The following ZNF730 variants were observed in gnomAD, a reference collection of about 807,000 sequenced individuals.
ZNF730 encodes the protein zinc finger protein 730, also known as putative zinc finger protein 730.
In ZNF730, 12 loss-of-function variants were observed where a neutral mutation model predicts 12.6. The ratio of observed to expected loss-of-function variants is 0.95; its 90% CI spans 0.61 to 1.54. The LOEUF (loss-of-function observed/expected upper bound fraction) is 1.54. ZNF730 is among the 40% of genes most tolerant of loss of function. The pLI, the probability that ZNF730 is intolerant of heterozygous loss-of-function variation, is 0.00. For synonymous variants in ZNF730, 194 were observed against 195.8 expected (o/e 0.99, Z 0.08); for missense variants, 643 against 583.5 (o/e 1.10, Z -1.05).
chr19:23,122,148 T>C (rs1320764996), intron 1 of ZNF730, among the ~76,000 whole-genome samples: 1 of 140,402 alleles, frequency 7.1e-6, no homozygotes, highest in African/African-American at 2.6e-5. Flanking sequence ...TTTTTTTTTT[T>C]TTTTTTTTTT....
intron 3 of ZNF730, among the ~76,000 whole-genome samples, chr19:23,137,037 G>A (rs1970843454): frequency 6.6e-6 from 1 of 152,130 alleles, no homozygotes; most frequent in African/African-American, 2.4e-5. Context: ...GGACGTGGTG[G>A]CAGGCACCTG....
rs1970989441 is a variant in ZNF730, at chr19:23,145,469, G to A, written c.425G>A (p.Ser142Asn). ...RHNQCLTTSH[S>N]KIFQCDKYVK... ...AACCAGTGTTTGACAACTTCCCATA[G>A]CAAAATATTTCAGTGTGACAAATAT... Residue 142 changes from serine (S) to asparagine (N), a missense_variant, in exon 4 of 4, where the codon AGC (serine) becomes AAC (asparagine). Physicochemically the swap from Ser to Asn is conservative, Grantham distance 46. Coordinates refer to ENST00000597761, the MANE Select transcript of ZNF730 (RefSeq NM_001277403.2). 6 of 1,570,018 alleles carry A rather than the reference G, an allele frequency of 3.8e-6. No individual in the cohort carries two copies. Among genetic ancestry groups the A allele is most frequent in the Non-Finnish European group, 4.3e-6 (5 of 1,158,788 alleles).
At position 23,145,738 on chromosome 19, in the gene ZNF730, G is replaced by T. The variant is rs748281983; in HGVS notation, c.694G>T (p.Glu232Ter). The T allele has an allele frequency of 3.8e-6, 6 of 1,561,462 alleles. No individual in the cohort carries two copies. Among genetic ancestry groups the T allele is most frequent in the South Asian group, 1.2e-5 (1 of 85,640 alleles). The change falls in exon 4 of 4, where the codon GAA becomes TAA. Residue 232 changes from glutamate (E) to a stop codon, truncating the protein, a stop_gained. Transcript: ENST00000597761. LOFTEE classifies it low-confidence loss of function (END_TRUNC). ...ITEKKPYKCK[E>*]CGKAFNWFSH... is the part of the protein sequence containing the mutation. ...TGAGAAAAAACCTTACAAATGTAAA[G>T]AATGTGGCAAAGCCTTTAACTGGTT...
intron 1 of ZNF730, among the ~76,000 whole-genome samples, chr19:23,081,476 C>T (rs576280795): frequency 4.6e-5 from 7 of 152,152 alleles, no homozygotes; most frequent in Non-Finnish European, 7.3e-5. Context: ...TGAGCCACCA[C>T]GCCCACCTGA....
intron 1 of ZNF730, among the ~76,000 whole-genome samples, 191 bp from the exon 2 acceptor site, chr19:23,133,889 A>C (rs1403350399): frequency 2.6e-5 from 4 of 152,244 alleles, no homozygotes; most frequent in Admixed American, 6.5e-5. Flanking sequence ...ATCTTATGCC[A>C]ATCTCTTTTC....
rs568057974 is a variant in ZNF730, at chr19:23,109,836, C to T, written c.-93-24244C>T. 5.4e-4 allele frequency among the ~76,000 whole-genome samples: 82 copies of T among 152,038 alleles called. 1 individual carries two copies. Among genetic ancestry groups the T allele is most frequent in the African/African-American group, 1.9e-3 (80 of 41,474 alleles). On this transcript the variant is annotated intron_variant, in intron 1 of 2. Coordinates refer to the ZNF730 transcript ENST00000593635. The stretch of plus-strand genomic sequence containing the variant: ...TGCTGAGATTACAGGCGTGAGCCAC[C>T]GTGCCCAGCCAATGTATGAAATTTC...
chr19:23,123,157 G>A (rs1402436253), intron 1 of ZNF730: 2 of 152,170 alleles, frequency 1.3e-5, no homozygotes, highest in Non-Finnish European at 2.9e-5. Flanking sequence ...ATATTCCACT[G>A]TATAACAAAG....
intron 1 of ZNF730, among the ~76,000 whole-genome samples, chr19:23,118,262 T>C (rs933420845): frequency 6.6e-6 from 1 of 152,152 alleles, no homozygotes; most frequent in Non-Finnish European, 1.5e-5. Flanking sequence ...CCAAAACTAA[T>C]TCCCTGACAC....
intron 1 of ZNF730, among the ~76,000 whole-genome samples, chr19:23,104,720 G>GGTAT (rs1970372316): frequency 1.3e-5 from 2 of 152,230 alleles, no homozygotes; most frequent in South Asian, 4.1e-4. Flanking sequence ...TGACTGAAAG[G>GGTAT]GTATGCTTCC....
In ZNF730 at chr19:23,095,232, G is replaced by T. The variant is rs1461033690; in HGVS notation, c.-94+19845G>T. The T allele has an allele frequency of 1.3e-5, 5 of 395,486 alleles. No homozygotes were observed. In the East Asian group the frequency reaches 1.8e-4, roughly 14 times the overall value. 24.5% of individuals were successfully genotyped at this position (395,486 alleles called of 1,614,324 possible). ...TATCACTGGGTCTTGTACCCAGGTG[G>T]TGTGAATCTTCTGCCTTGGTTCTTC... On this transcript the variant is annotated intron_variant, in intron 1 of 2. Transcript: ENST00000593635.
At chr19:23,091,129 G>A (rs866600213) in intron 1 of ZNF730, among the ~76,000 whole-genome samples, 26 of 152,222 alleles carry the variant, frequency 1.7e-4, no homozygotes, top group Middle Eastern at 3.2e-3. Context: ...AGGGGCCAAT[G>A]TACAGCTTTG....
At position 23,139,650 on chromosome 19, in the gene ZNF730, G is replaced by A. The variant is rs376816377; in HGVS notation, c.226+3607G>A. ...AGCAATTCTCCTGTCTCAGCCTCCC[G>A]AGTAACTGGGACTACAGGCACCTGC... On this transcript the variant is annotated intron_variant, in intron 3 of 3. Transcript: ENST00000597761. Among the ~76,000 whole-genome samples the A allele has an allele frequency of 7.2e-5, 11 of 151,998 alleles. No homozygotes were observed. The East Asian group carries it at 1.2e-3, about 16-fold the overall frequency.
At position 23,146,685 on chromosome 19, in the gene ZNF730, TAC is replaced by T; in HGVS notation, c.*130_*131del. On this transcript the variant is annotated 3_prime_UTR_variant, in exon 4 of 4. Transcript: ENST00000597761. ...AAGCTTTTAACCAGTCCTCAAATCT[TAC>T]TAAACATAAGGTAATTCATACTGGA... 1 of 1,482,318 alleles carries T rather than the reference TAC, an allele frequency of 6.7e-7. No individual in the cohort carries two copies. The highest frequency in any genetic ancestry group is 1.1e-5 in the South Asian group (1 of 88,190). 91.8% of individuals were successfully genotyped at this position (1,482,318 alleles called of 1,614,324 possible).
Position 23,141,765 on chromosome 19 carries a change from G to A in ZNF730, c.227-3506G>A, listed in dbSNP as rs566392086. On this transcript the variant is annotated intron_variant, in intron 3 of 3. Transcript: ENST00000597761. ...TAAGACTTTTTTTTTGGCCTAGGACGTTGTCTATGAAGGAAAATGTTCTAT... is the reference window on the plus strand; with the variant it reads ...TAAGACTTTTTTTTTGGCCTAGGACATTGTCTATGAAGGAAAATGTTCTAT... 5.3e-5 allele frequency among the ~76,000 whole-genome samples: 8 copies of A among 151,816 alleles called. No individual in the cohort carries two copies. In the South Asian group the frequency reaches 6.2e-4, roughly 12 times the overall value.
chr19:23,084,812 A>G (rs1473616621), intron 1 of ZNF730, among the ~76,000 whole-genome samples: 1 of 152,180 alleles, frequency 6.6e-6, no homozygotes, highest in Non-Finnish European at 1.5e-5. Flanking sequence ...TTATGGCTGC[A>G]TAGTATTTCA....
chr19:23,087,279 G>A (rs996711519), intron 1 of ZNF730, among the ~76,000 whole-genome samples: 11 of 152,056 alleles, frequency 7.2e-5, no homozygotes, highest in South Asian at 2.1e-4. Context: ...ATGGTGGCGG[G>A]TGCCTGTAAT....
intron 1 of ZNF730, chr19:23,100,423 G>T (rs944987676): frequency 1.3e-5 from 2 of 152,094 alleles, no homozygotes; most frequent in African/African-American, 4.8e-5. Flanking sequence ...CATATATAAA[G>T]CCCTAGTGTG....
At chr19:23,135,860 T>C (rs1417880729) in intron 2 of ZNF730, 88 bp from the exon 3 acceptor site, 5 of 1,261,904 alleles carry the variant, frequency 4.0e-6, no homozygotes, top group Non-Finnish European at 4.4e-6. Context: ...TTTACTAGAA[T>C]ATTCCATTAC....
chr19:23,085,836 CTTTTTTTT>C (rs556123915), intron 1 of ZNF730, among the ~76,000 whole-genome samples: 792 of 54,810 alleles, frequency 0.014, 4 homozygotes, highest in Non-Finnish European at 0.019. Context: ...ATTTTTTTTT[CTTTTTTTT>C]TTTTTTTTTT....
Sources: allele counts gnomAD v4.1 joint callset (sites outside exome capture counted in the v4.1 genomes callset), GRCh38; gene constraint gnomAD v4.1.1; transcripts MANE v1.5; gene names NCBI Gene and HGNC (gene_info 2026-07-23, HGNC 2026-07-21).